PRKN: variants seen among roughly 807,000 people sequenced by gnomAD.
PRKN encodes the protein parkin RBR E3 ubiquitin protein ligase.
A neutral mutation model predicts 59.5 loss-of-function variants in PRKN; 56 were observed. The ratio of observed to expected loss-of-function variants is 0.94; its 90% CI spans 0.76 to 1.18. The LOEUF is 1.18. PRKN is among the 50% of genes most tolerant of loss of function. The pLI is 0.00. For synonymous variants in PRKN, 250 were observed against 222.1 expected, an observed-to-expected ratio of 1.13 and a Z score of -1.12; for missense variants, 657 against 596.4, an observed-to-expected ratio of 1.10 and a Z score of -1.06.
chr6:161,848,271 T>C (rs1793282053), intron 6 of PRKN, among the ~76,000 whole-genome samples: 2 of 152,218 alleles, frequency 1.3e-5, no homozygotes. Context: ...TAGGATTAGT[T>C]CTCATTGAAA....
Position 161,700,388 on chromosome 6 carries a change from G to T in PRKN, c.871+85384C>A, listed in dbSNP as rs565416928. ...CAATTATTTCTCCCACCAAAGTTTG[G>T]CTTCAGTGGCCCTGATAGAAGACCC... On this transcript the variant is annotated intron_variant, in intron 7 of 11. Transcript: ENST00000366898. 8.4e-4 allele frequency among the ~76,000 whole-genome samples: 127 copies of T among 152,074 alleles called. 1 individual carries two copies. Among genetic ancestry groups the T allele is most frequent in the African/African-American group, 2.9e-3 (119 of 41,494 alleles).
intron 4 of PRKN, among the ~76,000 whole-genome samples, chr6:162,092,345 C>G (rs1779532243): frequency 1.3e-5 from 2 of 151,064 alleles, no homozygotes; most frequent in African/African-American, 4.9e-5. Context: ...CAGAGTGAGT[C>G]TAATGAAAAA....
At position 161,685,303 on chromosome 6, in the gene PRKN, A is replaced by C. The variant is rs796272021; in HGVS notation, c.871+100469T>G. Reference sequence around the variant, plus strand: ...CTGCTCACATGTACCAGATGACCCTAGTGCCTTGCAAGAAACTTGAGACCC... The same window carrying C: ...CTGCTCACATGTACCAGATGACCCTCGTGCCTTGCAAGAAACTTGAGACCC... On this transcript the variant is annotated intron_variant, in intron 7 of 11. Coordinates refer to ENST00000366898, the MANE Select transcript of PRKN (RefSeq NM_004562.3). 1.2e-4 allele frequency among the ~76,000 whole-genome samples: 19 copies of C among 152,294 alleles called. 2 individuals are homozygous for C. The highest frequency in any genetic ancestry group is 5.9e-4 in the Admixed American group (9 of 15,304).
intron 2 of PRKN, among the ~76,000 whole-genome samples, chr6:162,288,898 C>T (rs1327758695): frequency 1.3e-5 from 2 of 152,176 alleles, no homozygotes; most frequent in Non-Finnish European, 2.9e-5. Flanking sequence ...CAAACGGGCT[C>T]TTGAAGCTTA....
chr6:161,746,001 G>A (rs1164360982), intron 7 of PRKN, among the ~76,000 whole-genome samples: 4 of 152,202 alleles, frequency 2.6e-5, no homozygotes, highest in Admixed American at 6.5e-5. Flanking sequence ...AGGCCTCATC[G>A]TGGCATTTTC....
chr6:162,045,936 T>C lies in PRKN; in HGVS notation c.618+8155A>G, dbSNP rs116764399. The stretch of plus-strand genomic sequence containing the variant: ...ATTTGGGTCTAATGTACCATCTCGA[T>C]TGAAACATTTGGGAAAGCTTACAGC... On this transcript the variant is annotated intron_variant, in intron 5 of 11. Coordinates refer to ENST00000366898, the MANE Select transcript of PRKN (RefSeq NM_004562.3). Among the ~76,000 whole-genome samples, 807 of 152,356 alleles carry C rather than the reference T, an allele frequency of 5.3e-3. 8 individuals carry two copies. Among genetic ancestry groups the C allele is most frequent in the African/African-American group, 0.018 (728 of 41,584 alleles).
chr6:162,577,022 G>A (rs1780586729), intron 1 of PRKN, among the ~76,000 whole-genome samples: 1 of 151,900 alleles, frequency 6.6e-6, no homozygotes, highest in Non-Finnish European at 1.5e-5. Context: ...AAAAAATGAT[G>A]ACAGATTTGA....
chr6:161,923,220 T>C (rs1778847311), intron 6 of PRKN, among the ~76,000 whole-genome samples: 1 of 152,254 alleles, frequency 6.6e-6, no homozygotes, highest in Admixed American at 6.5e-5. Flanking sequence ...CCGGGGCTCA[T>C]GCCTATAATC....
At chr6:162,561,771 C>T (rs1201782496) in intron 1 of PRKN, among the ~76,000 whole-genome samples, 2 of 152,114 alleles carry the variant, frequency 1.3e-5, no homozygotes, top group Non-Finnish European at 2.9e-5. Flanking sequence ...AATGCAGATC[C>T]CTGTGGTCGG....
At chr6:162,466,069 T>C (rs2128175977) in intron 1 of PRKN, among the ~76,000 whole-genome samples, 1 of 152,326 alleles carries the variant, frequency 6.6e-6, no homozygotes, top group Non-Finnish European at 1.5e-5. Flanking sequence ...AGATATATAT[T>C]TTTATGTTTA....
intron 4 of PRKN, among the ~76,000 whole-genome samples, chr6:162,088,740 A>G (rs1361873433): frequency 6.6e-6 from 1 of 152,202 alleles, no homozygotes; most frequent in Non-Finnish European, 1.5e-5. Flanking sequence ...AAAACTGCCA[A>G]GAAGAAAAGT....
At chr6:162,143,994 T>C (rs528287782) in intron 4 of PRKN, among the ~76,000 whole-genome samples, 14 of 152,314 alleles carry the variant, frequency 9.2e-5, no homozygotes, top group African/African-American at 3.4e-4. Context: ...GAATAAGACA[T>C]TATAAAAATT....
At chr6:161,827,509 C>G (rs368588559) in intron 6 of PRKN, among the ~76,000 whole-genome samples, 1 of 124,920 alleles carries the variant, frequency 8.0e-6, no homozygotes, top group Non-Finnish European at 1.6e-5. Context: ...ATTGATTTTA[C>G]TTTTTTTTTT....
rs537282314 is a variant in PRKN, at chr6:161,569,338, T to C, written c.933+17A>G. 6.2e-7 allele frequency: 1 copy of C among 1,609,804 alleles called. No individual in the cohort carries two copies. The highest frequency in any genetic ancestry group is 1.1e-5 in the South Asian group (1 of 90,992). On this transcript the variant is annotated intron_variant, in intron 8 of 11. Transcript: ENST00000366898. ...CTTTCATGACAGTCTGATGCAGCCT[T>C]TGAGATGCTCACTCACCTGCTCTTC...
At chr6:161,875,859 C>G (rs1794713919) in intron 6 of PRKN, among the ~76,000 whole-genome samples, 1 of 152,086 alleles carries the variant, frequency 6.6e-6, no homozygotes, top group Admixed American at 6.5e-5. Context: ...TGGCATCCCA[C>G]TCATAAGTAC....
rs540481788 is a variant in PRKN, at chr6:161,851,916, ATC to A, written c.735-66010_735-66009del. Among the ~76,000 whole-genome samples the A allele has an allele frequency of 5.8e-3, 882 of 151,478 alleles. 8 individuals carry two copies. Among genetic ancestry groups the A allele is most frequent in the African/African-American group, 0.02 (833 of 41,420 alleles). On this transcript the variant is annotated intron_variant, in intron 6 of 11. Transcript: ENST00000366898. ...AGCCTGGCCAACATGGCGAAAACAT[ATC>A]TCTACCAAAAATACAAAAATTAGCC...
intron 5 of PRKN, among the ~76,000 whole-genome samples, chr6:162,047,087 A>G (rs1784279093): frequency 1.3e-5 from 2 of 152,144 alleles, no homozygotes; most frequent in Admixed American, 6.5e-5. Context: ...GACACCATTC[A>G]ATCATAATCT....
At chr6:161,557,158 G>A (rs547843363) in intron 8 of PRKN, among the ~76,000 whole-genome samples, 9 of 152,072 alleles carry the variant, frequency 5.9e-5, no homozygotes, top group South Asian at 2.1e-4. Context: ...ATTAGTATGC[G>A]TTATGCAGGT....
intron 3 of PRKN, among the ~76,000 whole-genome samples, chr6:162,235,387 C>T (rs1410966332): frequency 6.6e-6 from 1 of 152,120 alleles, no homozygotes; most frequent in Non-Finnish European, 1.5e-5. Flanking sequence ...GACATGCCTC[C>T]GTCATTCTGA....
Sources: allele counts gnomAD v4.1 joint callset (sites outside exome capture counted in the v4.1 genomes callset), GRCh38; gene constraint gnomAD v4.1.1; transcripts MANE v1.5; gene names NCBI Gene and HGNC (gene_info 2026-07-23, HGNC 2026-07-21).